The following MYO1D variants were observed in gnomAD, a reference collection of about 807,000 sequenced individuals.
MYO1D encodes unconventional myosin-Id.
A neutral mutation model predicts 122.0 loss-of-function variants in MYO1D; 83 were observed. The observed-to-expected ratio is 0.68, with a 90% CI of 0.57 to 0.82. MYO1D has a LOEUF of 0.82. Among genes scored for constraint, MYO1D ranks in the 40% least tolerant of loss-of-function variants. The pLI, the probability that MYO1D is intolerant of heterozygous loss-of-function variation, is 0.00. For synonymous variants in MYO1D, 464 were observed against 446.9 expected, an observed-to-expected ratio of 1.04 and a Z score of -0.48; for missense variants, 1,157 against 1,269.5, an observed-to-expected ratio of 0.91 and a Z score of 1.35.
At chr17:32,736,670 C>G (rs1253779666) in intron 14 of MYO1D, among the ~76,000 whole-genome samples, 2 of 152,184 alleles carry the variant, frequency 1.3e-5, no homozygotes, top group African/African-American at 4.8e-5. Flanking sequence ...ATTTTTATTT[C>G]TTTACATGGC....
At chr17:32,759,202 A>C (rs2089976582) in intron 10 of MYO1D, among the ~76,000 whole-genome samples, 2 of 152,138 alleles carry the variant, frequency 1.3e-5, no homozygotes, top group Admixed American at 1.3e-4. Context: ...TCTTATATAA[A>C]ATAGCCCTTT....
intron 21 of MYO1D, among the ~76,000 whole-genome samples, chr17:32,576,315 A>G (rs1242353593): frequency 6.6e-6 from 1 of 152,176 alleles, no homozygotes; most frequent in African/African-American, 2.4e-5. Flanking sequence ...TTCTCTATCT[A>G]AGAAGCAACA....
At chr17:32,745,751 A>T (rs2151007143) in intron 12 of MYO1D, 1 of 157,976 alleles carries the variant, frequency 6.3e-6, no homozygotes, top group Middle Eastern at 3.2e-3. Context: ...TCACACAGGG[A>T]AACAGATCAA....
In MYO1D at chr17:32,492,703, C is replaced by T. The variant is rs991140522; in HGVS notation, c.*2056G>A. Reference sequence around the variant, plus strand: ...GAAAATAGGAGTTTTTGCACCAAACCATAAAATTGCATTTCATTACATCAA... The same window carrying T: ...GAAAATAGGAGTTTTTGCACCAAACTATAAAATTGCATTTCATTACATCAA... On this transcript the variant is annotated 3_prime_UTR_variant, in exon 22 of 22. Transcript: ENST00000318217. 17 of 152,512 alleles carry T rather than the reference C, an allele frequency of 1.1e-4. No individual in the cohort carries two copies. Among genetic ancestry groups the T allele is most frequent in the Admixed American group, 6.5e-5 (1 of 15,270 alleles). The allele number at this position is 152,512 out of a possible 1,614,324, so 9.4% of individuals were successfully genotyped here.
At chr17:32,585,524 G>A (rs1055778005) in intron 21 of MYO1D, among the ~76,000 whole-genome samples, 10 of 152,154 alleles carry the variant, frequency 6.6e-5, no homozygotes, top group Non-Finnish European at 1.5e-5. Context: ...GAGGTCAGGA[G>A]TTCGAGACCA....
intron 1 of MYO1D, among the ~76,000 whole-genome samples, chr17:32,838,886 T>C (rs976386436): frequency 6.6e-6 from 1 of 152,220 alleles, no homozygotes; most frequent in East Asian, 1.9e-4. Flanking sequence ...AACTTTGAAA[T>C]TGTTTAGTCA....
chr17:32,759,949 T>C, intron 10 of MYO1D: 1 of 504,668 alleles, frequency 2.0e-6, no homozygotes, highest in Non-Finnish European at 3.5e-6. Flanking sequence ...AACTAGATTC[T>C]GAAGCAAAGT....
intron 20 of MYO1D, among the ~76,000 whole-genome samples, chr17:32,607,084 CGGGAGGCGGAGGTT>C (rs1172289088): frequency 6.6e-6 from 1 of 151,980 alleles, no homozygotes; most frequent in Non-Finnish European, 1.5e-5. Flanking sequence ...CGTGTGAACC[CGGGAGGCGGAGGTT>C]GCAGTGAGTT....
rs553354004 is a variant in MYO1D at position 32,601,675 on chromosome 17, C to T, written c.2864+3412G>A. 2.5e-4 allele frequency among the ~76,000 whole-genome samples: 38 copies of T among 152,306 alleles called. 1 individual carries two copies. In the South Asian group the frequency reaches 7.9e-3, roughly 32 times the overall value. On this transcript the variant is annotated intron_variant, in intron 21 of 21. Transcript: ENST00000318217. ...CTATGAAAGTTCTAGATGGCATCTT[C>T]TTCCAGTGTCCAGAGACATAAAGTG...
intron 12 of MYO1D, 195 bp from the exon 13 acceptor site, chr17:32,745,480 AT>A: frequency 2.1e-6 from 1 of 467,450 alleles, no homozygotes; most frequent in East Asian, 3.8e-5. Flanking sequence ...CATCAGTACT[AT>A]TATGATTAAG....
In MYO1D at chr17:32,721,052, G is replaced by A. The variant is rs1405774192; in HGVS notation, c.1884C>T (p.Phe628=). 3 of 1,614,150 alleles carry A rather than the reference G, an allele frequency of 1.9e-6. No individual in the cohort carries two copies. Among genetic ancestry groups the A allele is most frequent in the Non-Finnish European group, 1.7e-6 (2 of 1,180,000 alleles). The change falls in exon 15 of 22, where the codon TTC becomes TTT. Residue 628 remains phenylalanine (F), a synonymous_variant. Coordinates refer to ENST00000318217, the MANE Select transcript of MYO1D (RefSeq NM_015194.3). The stretch of plus-strand genomic sequence containing the variant: ...GAAGAAACTTCTCGTATGTCTGGCG[G>A]AAGGCAAATCCTGCCCGACGCACTC... ...NVRVRRAGFA[F]RQTYEKFLHR... is the part of the protein sequence containing the mutation.
chr17:32,670,526 A>ACCTT (rs993525265), intron 16 of MYO1D, among the ~76,000 whole-genome samples: 4 of 152,126 alleles, frequency 2.6e-5, no homozygotes, highest in African/African-American at 7.2e-5. Context: ...CCCTGGTGCG[A>ACCTT]CCTTACCTTC....
intron 1 of MYO1D, among the ~76,000 whole-genome samples, chr17:32,816,519 T>C (rs1419319305): frequency 1.3e-5 from 2 of 152,266 alleles, no homozygotes; most frequent in African/African-American, 2.4e-5. Flanking sequence ...GCTGTAGTAC[T>C]ATTAAAACTG....
Position 32,728,237 on chromosome 17 carries a change from A to C in MYO1D, c.1747-7048T>G, listed in dbSNP as rs1225823153. 4.6e-5 allele frequency among the ~76,000 whole-genome samples: 7 copies of C among 150,856 alleles called. No homozygotes were observed. The East Asian group carries it at 1.4e-3, about 29-fold the overall frequency. Reference sequence around the variant, plus strand: ...TTTTTTTTTTTTTTGAGACAGTCTCACACCGTCACCCAGGCTGGAGTGCAA... The same window carrying C: ...TTTTTTTTTTTTTTGAGACAGTCTCCCACCGTCACCCAGGCTGGAGTGCAA... On this transcript the variant is annotated intron_variant, in intron 14 of 21. Transcript: ENST00000318217.
At chr17:32,543,690 CG>C (rs1478244910) in intron 21 of MYO1D, among the ~76,000 whole-genome samples, 1 of 152,190 alleles carries the variant, frequency 6.6e-6, no homozygotes, top group Non-Finnish European at 1.5e-5. Flanking sequence ...AAAGTCTAGG[CG>C]AGTGGCACCT....
At chr17:32,573,920 C>T (rs946291427) in intron 21 of MYO1D, among the ~76,000 whole-genome samples, 2 of 152,252 alleles carry the variant, frequency 1.3e-5, no homozygotes. Flanking sequence ...GGCGCAATCT[C>T]GACTCACTGC....
At chr17:32,694,751 T>C (rs1286120567) in intron 16 of MYO1D, among the ~76,000 whole-genome samples, 1 of 151,936 alleles carries the variant, frequency 6.6e-6, no homozygotes, top group Non-Finnish European at 1.5e-5. Context: ...ACTTCTTTTG[T>C]TTCTCTGACT....
rs759976937 is a variant in MYO1D at position 32,760,279 on chromosome 17, A to C, written c.1296+11T>G. On this transcript the variant is annotated intron_variant, in intron 10 of 21. Coordinates refer to ENST00000318217, the MANE Select transcript of MYO1D (RefSeq NM_015194.3). The stretch of plus-strand genomic sequence containing the variant: ...AACACATGAAGGCATTTTCCATAAG[A>C]GTCCACTCACATGTTTCCAGGGGAT... The C allele has an allele frequency of 6.3e-7, 1 of 1,583,460 alleles. No individual in the cohort carries two copies. The highest frequency in any genetic ancestry group is 8.7e-7 in the Non-Finnish European group (1 of 1,155,132).
At chr17:32,768,923 C>T (rs2090087347) in intron 6 of MYO1D, among the ~76,000 whole-genome samples, 1 of 152,174 alleles carries the variant, frequency 6.6e-6, no homozygotes, top group South Asian at 2.1e-4. Flanking sequence ...CTGTTGGCTG[C>T]TTACCTAACA....
Sources: allele counts gnomAD v4.1 joint callset (sites outside exome capture counted in the v4.1 genomes callset), GRCh38; gene constraint gnomAD v4.1.1; transcripts MANE v1.5; gene names NCBI Gene and HGNC (gene_info 2026-07-23, HGNC 2026-07-21).